Variants in ACIN1 observed in about 807,000 individuals in gnomAD.
The protein encoded by ACIN1 is apoptotic chromatin condensation inducer 1, also known as apoptotic chromatin condensation inducer in the nucleus.
A neutral mutation model predicts 146.6 loss-of-function variants in ACIN1; 16 were observed. The observed-to-expected ratio is 0.11, with a 90% CI of 0.07 to 0.17. ACIN1 has a LOEUF of 0.17. ACIN1 is among the 10% of genes least tolerant of loss of function. The pLI, the probability that ACIN1 is intolerant of heterozygous loss-of-function variation, is 1.00. For missense variants in ACIN1, 1,357 were observed against 1,609.3 expected, an observed-to-expected ratio of 0.84 and a Z score of 2.68; for synonymous variants, 569 against 582.7, an observed-to-expected ratio of 0.98 and a Z score of 0.34.
chr14:23,063,050 C>A lies in ACIN1; in HGVS notation c.2762G>T (p.Arg921Leu). The A allele has an allele frequency of 6.2e-7, 1 of 1,613,070 alleles. No homozygotes were observed. The highest frequency in any genetic ancestry group is 8.5e-7 in the Non-Finnish European group (1 of 1,179,686). The part of the protein sequence containing the change: ...KKVTLGDTLT[R>L]RSISQQKSGV... ...GGACTTCTGCTGGCTAATGGAACGT[C>A]GAGTTAAGGTATCTCCTAAAGTCAC... is the stretch of plus-strand genomic sequence containing the variant. Residue 921 changes from arginine (R) to leucine (L), a missense_variant, in exon 14 of 19, where the codon CGA (arginine) becomes CTA (leucine). Arg to Leu is a moderately radical substitution (Grantham distance 102). This residue lies in a region of ACIN1 where 509 missense variants were observed against 719.6 expected (regional missense o/e 0.71). Transcript: ENST00000605057.
At chr14:23,061,688 G>A (rs1256719377) in intron 16 of ACIN1, 66 bp from the exon 17 acceptor site, 2 of 1,415,170 alleles carry the variant, frequency 1.4e-6, no homozygotes, top group African/African-American at 1.4e-5. Flanking sequence ...CAAGGAGCCA[G>A]GATGGCCGGG....
chr14:23,061,661 G>A (rs1011383209), intron 16 of ACIN1, 39 bp from the exon 17 acceptor site: 11 of 1,475,246 alleles, frequency 7.5e-6, no homozygotes, highest in African/African-American at 1.4e-5. Flanking sequence ...TAGGATAGAG[G>A]TGATATCACT....
rs773792489 is a variant in ACIN1 at position 23,078,177 on chromosome 14, T to G, written c.2097A>C (p.Pro699=). 2 of 1,614,246 alleles carry G rather than the reference T, an allele frequency of 1.2e-6. No homozygotes were observed. The highest frequency in any genetic ancestry group is 1.6e-4 in the Middle Eastern group (1 of 6,062). ...CAGTGTGATGAATTCTTTCTGATTC[T>G]GGCAGATGAGAGGTCTGAGTCTCTG... ...QTSETQTSHL[P]ESERIHHTVE... is the part of the protein sequence containing the mutation. Residue 699 remains proline (P), a synonymous_variant, in exon 8 of 19, where the codon CCA becomes CCC. Coordinates refer to ENST00000605057, the MANE Select transcript of ACIN1 (RefSeq NM_001386863.1).
chr14:23,090,191 T>A, intron 3 of ACIN1, 90 bp from the exon 4 acceptor site: 1 of 1,509,272 alleles, frequency 6.6e-7, no homozygotes, highest in Non-Finnish European at 8.9e-7. Context: ...TCAGGCAAAG[T>A]CACAGATACA....
At chr14:23,069,285 C>A in intron 9 of ACIN1, 191 bp downstream of exon 9, 1 of 1,293,698 alleles carries the variant, frequency 7.7e-7, no homozygotes, top group Non-Finnish European at 9.8e-7. Context: ...AATGAATGAG[C>A]CCTGTCCCCG....
chr14:23,081,990 A>G (rs2047955378), intron 4 of ACIN1, among the ~76,000 whole-genome samples, 154 bp from the exon 5 acceptor site: 2 of 152,228 alleles, frequency 1.3e-5, no homozygotes, highest in African/African-American at 4.8e-5. Flanking sequence ...ACTAAAGAAA[A>G]GACTACAAAA....
rs762681023 is a variant in ACIN1 at position 23,078,875 on chromosome 14, A to G, written c.1952T>C (p.Leu651Pro). ...CTTTTCAGCTGATTCAGGCTGACTC[A>G]GACGCCTTGCTTGGACAGAGGATGA... Reference protein sequence around the residue: ...TSSSSVQARRLSQPESAEKHV... With the variant: ...TSSSSVQARRPSQPESAEKHV... Residue 651 changes from leucine to proline, a missense_variant, in exon 7 of 19, where the codon CTG becomes CCG. Physicochemically the swap from Leu to Pro is moderately conservative, Grantham distance 98. Coordinates refer to ENST00000605057, the MANE Select transcript of ACIN1 (RefSeq NM_001386863.1). 1.9e-6 allele frequency: 3 copies of G among 1,613,804 alleles called. No homozygotes were observed. The highest frequency in any genetic ancestry group is 2.5e-6 in the Non-Finnish European group (3 of 1,180,006).
intron 16 of ACIN1, among the ~76,000 whole-genome samples, 194 bp downstream of exon 16, chr14:23,061,971 CAAA>C (rs57962360): frequency 3.4e-5 from 2 of 59,140 alleles, no homozygotes; most frequent in African/African-American, 7.3e-5. Flanking sequence ...GACTCTGTCT[CAAA>C]AAAAAAAAAA....
intron 18 of ACIN1, among the ~76,000 whole-genome samples, chr14:23,059,956 G>GTTTTTTTTTTTTTTTT (rs397830741): frequency 4.0e-5 from 4 of 100,134 alleles, no homozygotes; most frequent in African/African-American, 1.7e-4. Context: ...CGCCCCGCCA[G>GTTTTTTTTTTTTTTTT]TTTTTTTTTT....
intron 10 of ACIN1, 143 bp from the exon 11 acceptor site, chr14:23,064,631 G>A (rs898189767): frequency 3.5e-5 from 42 of 1,195,258 alleles, no homozygotes; most frequent in Non-Finnish European, 4.8e-5. Flanking sequence ...GAGTGTGGTG[G>A]CTCACACCTG....
At chr14:23,059,819 A>T (rs1375591736) in intron 18 of ACIN1, among the ~76,000 whole-genome samples, 1 of 150,840 alleles carries the variant, frequency 6.6e-6, no homozygotes, top group African/African-American at 2.5e-5. Flanking sequence ...ACGCCCGGCT[A>T]ATTTTTTTGT....
At chr14:23,064,578 G>T in intron 10 of ACIN1, 90 bp from the exon 11 acceptor site, 3 of 1,515,812 alleles carry the variant, frequency 2.0e-6, no homozygotes, top group Non-Finnish European at 2.7e-6. Flanking sequence ...TCTGGCTGGA[G>T]TTTTGGTAAA....
At position 23,080,816 on chromosome 14, in the gene ACIN1, G is replaced by T; in HGVS notation, c.526-7C>A. 1 of 1,587,296 alleles carries T rather than the reference G, an allele frequency of 6.3e-7. No homozygotes were observed. The highest frequency in any genetic ancestry group is 8.6e-7 in the Non-Finnish European group (1 of 1,165,964). ...ACAGTTTAGCTGCTCTTGCCTGAAA[G>T]AACAGATACACAATGGCTCCAAATG... On this transcript the variant is annotated splice_polypyrimidine_tract_variant and splice_region_variant and intron_variant, in intron 5 of 18. Transcript: ENST00000605057.
intron 8 of ACIN1, among the ~76,000 whole-genome samples, chr14:23,070,482 C>T (rs1044328413): frequency 1.3e-5 from 2 of 152,026 alleles, no homozygotes; most frequent in African/African-American, 4.8e-5. Flanking sequence ...CAGGCAGCTT[C>T]CCCCAAGAAC....
intron 8 of ACIN1, among the ~76,000 whole-genome samples, chr14:23,074,632 G>C (rs2047753243): frequency 6.6e-6 from 1 of 152,086 alleles, no homozygotes; most frequent in Non-Finnish European, 1.5e-5. Context: ...CTACTTGCAG[G>C]ACTAGTACCA....
At chr14:23,095,415 C>T, upstream of ACIN1, 10 of 1,227,808 alleles carry the variant, frequency 8.1e-6, no homozygotes, top group East Asian at 4.8e-5. Flanking sequence ...CCTGGTATAA[C>T]CATAATCGGA....
chr14:23,062,567 C>T lies in ACIN1; in HGVS notation c.2884-44G>A, dbSNP rs772884125. 2.0e-6 allele frequency: 3 copies of T among 1,535,460 alleles called. No individual in the cohort carries two copies. The Admixed American group carries it at 5.0e-5, about 26-fold the overall frequency. ...TTTCAGGGTCTAGCAGAAGGCAAGA[C>T]CACCACCCAATCTTTAGATTTCCCG... On this transcript the variant is annotated intron_variant, in intron 14 of 18. Transcript: ENST00000605057.
intron 4 of ACIN1, 57 bp downstream of exon 4, chr14:23,089,925 C>A: frequency 6.7e-7 from 1 of 1,485,806 alleles, no homozygotes; most frequent in Non-Finnish European, 9.1e-7. Context: ...GTAACTACCT[C>A]CCCCCACCAA....
At chr14:23,079,472 G>T in intron 6 of ACIN1, 75 bp downstream of exon 6, 6 of 1,557,666 alleles carry the variant, frequency 3.9e-6, no homozygotes, top group Non-Finnish European at 3.5e-6. Context: ...ATCATGACAG[G>T]CTCTCCAGGG....
Sources: allele counts gnomAD v4.1 joint callset (sites outside exome capture counted in the v4.1 genomes callset), GRCh38; gene constraint gnomAD v4.1.1; regional missense constraint gnomAD v4.1.1; transcripts MANE v1.5; gene names NCBI Gene and HGNC (gene_info 2026-07-23, HGNC 2026-07-21).